The following SCAP variants were observed in gnomAD, a reference collection of about 807,000 sequenced individuals.
The protein encoded by SCAP is sterol regulatory element-binding protein cleavage-activating protein.
A neutral mutation model predicts 123.6 loss-of-function variants in SCAP; 65 were observed. The observed-to-expected ratio is 0.53, with a 90% CI of 0.43 to 0.65. SCAP has a LOEUF of 0.65. Ranked by LOEUF, SCAP falls within the 30% of genes least tolerant of loss-of-function variation. The pLI is 0.00. For synonymous variants in SCAP, 740 were observed against 726.3 expected (o/e 1.02, Z -0.30); for missense variants, 1,398 against 1,712.5 (o/e 0.82, Z 3.24).
At chr3:47,433,629 G>A (rs1431158884) in intron 3 of SCAP, among the ~76,000 whole-genome samples, 1 of 152,222 alleles carries the variant, frequency 6.6e-6, no homozygotes, top group Admixed American at 6.5e-5. Flanking sequence ...CACTTTGGGA[G>A]GCTGAGGCAG....
At chr3:47,416,793 A>ATTTTTTTTTTT (rs566619829) in intron 18 of SCAP, among the ~76,000 whole-genome samples, 1 of 149,866 alleles carries the variant, frequency 6.7e-6, no homozygotes, top group African/African-American at 2.5e-5. Context: ...CGCCCGGCTA[A>ATTTTTTTTTTT]TTTTTTGTAT....
At position 47,428,799 on chromosome 3, in the gene SCAP, C is replaced by T. The variant is rs139360994; in HGVS notation, c.253-129G>A. On this transcript the variant is annotated intron_variant, in intron 3 of 22. Transcript: ENST00000265565. ...GAGTTAAAGAAACCAATGACTAATA[C>T]AAGTTCTTGAGTTTGCAGGATGGCA... The T allele has an allele frequency of 5.3e-4, 533 of 1,007,150 alleles. 6 individuals carry two copies. In the South Asian group the frequency reaches 6.7e-3, roughly 13 times the overall value. 62.4% of individuals were successfully genotyped at this position (1,007,150 alleles called of 1,614,324 possible).
At chr3:47,423,880 G>A (rs139482402) in intron 9 of SCAP, 53 bp downstream of exon 9, 68 of 1,253,020 alleles carry the variant, frequency 5.4e-5, no homozygotes, top group African/African-American at 5.0e-4. Flanking sequence ...AGAGGAACAG[G>A]CCCCATTCCA....
At chr3:47,426,662 C>T (rs1706144827) in intron 6 of SCAP, among the ~76,000 whole-genome samples, 1 of 152,180 alleles carries the variant, frequency 6.6e-6, no homozygotes, top group Non-Finnish European at 1.5e-5. Context: ...TGGTCTCGAT[C>T]TCCTGACCTC....
chr3:47,467,738 T>C (rs2108019778), intron 1 of SCAP, among the ~76,000 whole-genome samples: 1 of 152,252 alleles, frequency 6.6e-6, no homozygotes, highest in South Asian at 2.1e-4. Context: ...GAGATACCAA[T>C]TCCCACCCAC....
chr3:47,469,396 C>T (rs975043521), intron 1 of SCAP, among the ~76,000 whole-genome samples: 8 of 152,194 alleles, frequency 5.3e-5, no homozygotes, highest in South Asian at 2.1e-4. Context: ...GAGTCTTGTT[C>T]GGTCACCCAG....
chr3:47,471,927 G>A (rs977972751), intron 1 of SCAP, among the ~76,000 whole-genome samples: 6 of 149,646 alleles, frequency 4.0e-5, no homozygotes, highest in African/African-American at 1.5e-4. Flanking sequence ...GATCACTTGA[G>A]GCCAGGAGTT....
chr3:47,448,636 C>T (rs1707143203), intron 1 of SCAP, among the ~76,000 whole-genome samples: 3 of 151,694 alleles, frequency 2.0e-5, no homozygotes, highest in African/African-American at 7.3e-5. Flanking sequence ...ACTGACTCTT[C>T]TGTCTTCTCC....
At position 47,417,655 on chromosome 3, in the gene SCAP, G is replaced by A; in HGVS notation, c.2619C>T (p.Leu873=). The A allele has an allele frequency of 6.2e-7, 1 of 1,609,216 alleles. No homozygotes were observed. Among genetic ancestry groups the A allele is most frequent in the Non-Finnish European group, 8.5e-7 (1 of 1,178,662 alleles). The change falls in exon 17 of 23, where the codon CTC becomes CTT. Residue 873 remains leucine, a synonymous_variant. Coordinates refer to ENST00000265565, the MANE Select transcript of SCAP (RefSeq NM_012235.4). ...AAAAGTTGGTGTCAATTAAGCAGGT[G>A]AGGTCAGGCTGGTCCCCGAAGAGGG... is the stretch of plus-strand genomic sequence containing the variant. ...PPSLFGDQPD[L]TCLIDTNFSA... is the part of the protein sequence containing the mutation.
intron 1 of SCAP, among the ~76,000 whole-genome samples, chr3:47,451,209 A>T (rs1229143980): frequency 8.1e-6 from 1 of 122,940 alleles, no homozygotes; most frequent in East Asian, 2.9e-4. Flanking sequence ...CACACAAATT[A>T]TAAGCACACA....
At position 47,414,252 on chromosome 3, in the gene SCAP, G is replaced by A; in HGVS notation, c.3522C>T (p.Ile1174=). The A allele has an allele frequency of 2.5e-6, 4 of 1,613,668 alleles. No homozygotes were observed. Among genetic ancestry groups the A allele is most frequent in the Non-Finnish European group, 3.4e-6 (4 of 1,180,010 alleles). The change falls in exon 22 of 23, where the codon ATC becomes ATT. Residue 1174 remains isoleucine, a synonymous_variant. Transcript: ENST00000265565. The part of the protein sequence containing the change: ...TSLTCTTSCV[I]SSGLDDLISI... Reference sequence around the variant, plus strand: ...TGATGAGGTCATCCAGGCCACTGCTGATGACACAGGAGGTGGTACAGGTAA... The same window carrying A: ...TGATGAGGTCATCCAGGCCACTGCTAATGACACAGGAGGTGGTACAGGTAA...
chr3:47,444,173 A>C (rs1312594365), intron 1 of SCAP, among the ~76,000 whole-genome samples: 1 of 152,204 alleles, frequency 6.6e-6, no homozygotes. Context: ...AGGGATCTAG[A>C]ATTATCTTCC....
At chr3:47,453,493 TA>T (rs1707298204) in intron 1 of SCAP, among the ~76,000 whole-genome samples, 1 of 152,196 alleles carries the variant, frequency 6.6e-6, no homozygotes. Flanking sequence ...TTGCTTATTA[TA>T]CAGGTACACT....
At chr3:47,414,151 A>G in intron 22 of SCAP, 29 bp downstream of exon 22, 2 of 1,613,552 alleles carry the variant, frequency 1.2e-6, no homozygotes, top group East Asian at 2.2e-5. Flanking sequence ...CTAAAATCCC[A>G]AGAATCCTAT....
chr3:47,473,092 A>AAAAAAAAAAAAAAAAAAAAAAAAAAAAC (rs1553652462), intron 1 of SCAP, among the ~76,000 whole-genome samples: 1 of 146,796 alleles, frequency 6.8e-6, no homozygotes, highest in Non-Finnish European at 1.5e-5. Flanking sequence ...AAAAAAAAAA[A>AAAAAAAAAAAAAAAAAAAAAAAAAAAAC]AAAAAAACAG....
intron 2 of SCAP, among the ~76,000 whole-genome samples, chr3:47,437,049 T>G (rs1205119601): frequency 1.3e-5 from 2 of 152,258 alleles, no homozygotes; most frequent in African/African-American, 4.8e-5. Context: ...GATCATTGCT[T>G]TTTGGATACA....
chr3:47,449,388 C>G (rs1707167276), intron 1 of SCAP, among the ~76,000 whole-genome samples: 1 of 123,936 alleles, frequency 8.1e-6, no homozygotes, highest in African/African-American at 2.8e-5. Context: ...CTGTGACTAC[C>G]TCCAAGGAAA....
chr3:47,471,315 G>T (rs1302913319), intron 1 of SCAP, among the ~76,000 whole-genome samples: 2 of 152,102 alleles, frequency 1.3e-5, no homozygotes, highest in African/African-American at 4.8e-5. Context: ...ATTTAGAACG[G>T]GAAGGAAATG....
chr3:47,414,316 A>C lies in SCAP; in HGVS notation c.3458T>G (p.Val1153Gly), dbSNP rs1576239689. 1 of 1,612,976 alleles carries C rather than the reference A, an allele frequency of 6.2e-7. No homozygotes were observed. The highest frequency in any genetic ancestry group is 8.5e-7 in the Non-Finnish European group (1 of 1,179,980). ...CLWDVLTGSR[V>G]SHVFAHRGDV... ...CCCACGGTGAGCAAACACATGGCTG[A>C]CCCGGCTGCCAGTCAGTACATCCCA... The change falls in exon 22 of 23, where the codon GTC becomes GGC. Residue 1153 changes from valine to glycine, a missense_variant. This residue lies in a region of SCAP where 130 missense variants were observed against 166.7 expected (regional missense o/e 0.78). Transcript: ENST00000265565.
Sources: gnomAD v4.1 joint callset for allele counts (sites outside exome capture counted in the v4.1 genomes callset) on GRCh38, gnomAD v4.1.1 for gene constraint, gnomAD v4.1.1 regional missense constraint, MANE v1.5 for transcripts, NCBI Gene and HGNC (gene_info 2026-07-23, HGNC 2026-07-21) for gene names.